The following DOK5 variants were observed in gnomAD, a reference collection of about 807,000 sequenced individuals.
DOK5 encodes the protein downstream of tyrosine kinase 5.
DOK5 carries 27 observed loss-of-function variants against 43.3 expected under a neutral mutation model. That is an observed-to-expected ratio of 0.62 (90% CI 0.46 to 0.86). The LOEUF is 0.86. Among genes scored for constraint, DOK5 ranks in the 40% least tolerant of loss-of-function variants. The pLI, the probability that DOK5 is intolerant of heterozygous loss-of-function variation, is 0.00. For missense variants in DOK5, 373 were observed against 392.9 expected (o/e 0.95, Z 0.43); for synonymous variants, 146 against 140.1 (o/e 1.04, Z -0.30).
At chr20:54,596,474 G>C (rs1243098803) in intron 5 of DOK5, among the ~76,000 whole-genome samples, 1 of 152,124 alleles carries the variant, frequency 6.6e-6, no homozygotes, top group African/African-American at 2.4e-5. Flanking sequence ...CTGCTCAGTG[G>C]CTCCGTTTCA....
chr20:54,640,260 C>T (rs1338879992), intron 6 of DOK5, among the ~76,000 whole-genome samples: 2 of 152,196 alleles, frequency 1.3e-5, no homozygotes, highest in East Asian at 1.9e-4. Context: ...AATGCATTGA[C>T]GTTATTTGAG....
chr20:54,631,673 T>C (rs1978572450), intron 6 of DOK5, among the ~76,000 whole-genome samples: 1 of 152,240 alleles, frequency 6.6e-6, no homozygotes, highest in African/African-American at 2.4e-5. Flanking sequence ...ATTTATTACA[T>C]GTTAAAAAAT....
chr20:54,605,128 AACAC>A (rs1049343148), intron 5 of DOK5, among the ~76,000 whole-genome samples: 2 of 128,624 alleles, frequency 1.6e-5, no homozygotes, highest in East Asian at 1.9e-4. Context: ...CACACACACA[AACAC>A]ACACAGAGAG....
intron 1 of DOK5, among the ~76,000 whole-genome samples, chr20:54,542,021 C>T (rs1036163772): frequency 6.6e-6 from 1 of 151,642 alleles, no homozygotes; most frequent in Admixed American, 6.6e-5. Flanking sequence ...ATCACAATAC[C>T]CACCACTAGC....
At chr20:54,615,852 G>A (rs998924611) in intron 6 of DOK5, among the ~76,000 whole-genome samples, 2 of 151,464 alleles carry the variant, frequency 1.3e-5, no homozygotes, top group Admixed American at 6.6e-5. Context: ...AGTGAGCCAA[G>A]ATTGCGCCAC....
intron 7 of DOK5, among the ~76,000 whole-genome samples, chr20:54,646,246 C>CTGTTTTTTTT (rs1979414548): frequency 1.2e-5 from 1 of 80,676 alleles, no homozygotes; most frequent in African/African-American, 4.6e-5. Flanking sequence ...ACTGGTTATA[C>CTGTTTTTTTT]TGTTTTTTTT....
intron 5 of DOK5, among the ~76,000 whole-genome samples, chr20:54,608,473 AAG>A (rs1383092364): frequency 6.6e-6 from 1 of 152,186 alleles, no homozygotes; most frequent in East Asian, 1.9e-4. Flanking sequence ...AGGAAGTAGA[AAG>A]GGTTTAAGTA....
chr20:54,620,813 T>C (rs1986953528), intron 6 of DOK5, among the ~76,000 whole-genome samples: 1 of 152,184 alleles, frequency 6.6e-6, no homozygotes, highest in South Asian at 2.1e-4. Flanking sequence ...AAGTATTTGC[T>C]GAGCCCTGCT....
chr20:54,622,788 G>A (rs1243125842), intron 6 of DOK5, among the ~76,000 whole-genome samples: 2 of 152,108 alleles, frequency 1.3e-5, no homozygotes, highest in Non-Finnish European at 2.9e-5. Context: ...GCGGTGGTGA[G>A]TAATCCTATT....
In DOK5 at chr20:54,646,248, G is replaced by GTTTTTTTTTTTTTTTTTTTTTTTTTT. The variant is rs386394048; in HGVS notation, c.856+2694_856+2695insTTTTTTTTTTTTTTTTTTTTTTTTTT. Among the ~76,000 whole-genome samples, 24 of 79,930 alleles carry GTTTTTTTTTTTTTTTTTTTTTTTTTT rather than the reference G, an allele frequency of 3.0e-4. 1 individual carries two copies. Among genetic ancestry groups the GTTTTTTTTTTTTTTTTTTTTTTTTTT allele is most frequent in the African/African-American group, 7.4e-4 (14 of 18,994 alleles). The allele number at this position is 79,930 out of a possible 152,430, so 52.4% of individuals were successfully genotyped here. A position where few individuals can be genotyped will look rare whatever the true frequency, so the allele number is the denominator to read the frequency against. On this transcript the variant is annotated intron_variant, in intron 7 of 7. Coordinates refer to ENST00000262593, the MANE Select transcript of DOK5 (RefSeq NM_018431.5). Reference sequence around the variant, plus strand: ...TACTGTTATATCCACTGGTTATACTGTTTTTTTTTTTTTTTTTTTTTTTTG... The same window carrying GTTTTTTTTTTTTTTTTTTTTTTTTTT: ...TACTGTTATATCCACTGGTTATACTGTTTTTTTTTTTTTTTTTTTTTTTTTTTTTTTTTTTTTTTTTTTTTTTTTTG...
chr20:54,486,867 T>C (rs1981954488), intron 1 of DOK5, among the ~76,000 whole-genome samples: 2 of 152,216 alleles, frequency 1.3e-5, no homozygotes, highest in African/African-American at 4.8e-5. Flanking sequence ...TGAAATGATA[T>C]TTTTAGTTTA....
In DOK5 at chr20:54,477,539, G is replaced by C. The variant is rs111757331; in HGVS notation, c.66+1527G>C. ...TCTTCAAGAGCACCCATTGTTGGGG[G>C]TACTTTACTGAGTGACTCCCATGTA... On this transcript the variant is annotated intron_variant, in intron 1 of 7. Coordinates refer to ENST00000262593, the MANE Select transcript of DOK5 (RefSeq NM_018431.5). 6.3e-4 allele frequency among the ~76,000 whole-genome samples: 96 copies of C among 152,148 alleles called. 1 individual carries two copies. Among genetic ancestry groups the C allele is most frequent in the African/African-American group, 2.2e-3 (93 of 41,500 alleles).
chr20:54,529,863 T>C (rs767473521), intron 1 of DOK5, among the ~76,000 whole-genome samples: 5 of 152,244 alleles, frequency 3.3e-5, no homozygotes, highest in African/African-American at 4.8e-5. Flanking sequence ...TAGTACATTG[T>C]TTTTGAAGTT....
At chr20:54,532,278 T>C (rs1030941853) in intron 1 of DOK5, among the ~76,000 whole-genome samples, 1 of 152,172 alleles carries the variant, frequency 6.6e-6, no homozygotes, top group Non-Finnish European at 1.5e-5. Flanking sequence ...CCACACTGCA[T>C]GTACATTTTG....
intron 5 of DOK5, among the ~76,000 whole-genome samples, chr20:54,608,093 C>T (rs993384523): frequency 1.2e-4 from 19 of 152,046 alleles, no homozygotes; most frequent in Non-Finnish European, 2.2e-4. Context: ...AAAATCTAAA[C>T]TACATTTCCT....
At chr20:54,615,468 TCAAA>T (rs533936614) in intron 6 of DOK5, among the ~76,000 whole-genome samples, 69 of 150,250 alleles carry the variant, frequency 4.6e-4, no homozygotes, top group Non-Finnish European at 9.0e-4. Context: ...ACAAGAGGAG[TCAAA>T]CAGAGGGCAA....
chr20:54,488,480 A>T (rs1982029221), intron 1 of DOK5, among the ~76,000 whole-genome samples: 1 of 151,604 alleles, frequency 6.6e-6, no homozygotes, highest in Admixed American at 6.6e-5. Context: ...GAACTTAACA[A>T]TTTTTCTTTA....
At chr20:54,629,335 T>C (rs1477435191) in intron 6 of DOK5, among the ~76,000 whole-genome samples, 2 of 152,214 alleles carry the variant, frequency 1.3e-5, no homozygotes, top group Non-Finnish European at 2.9e-5. Context: ...CTGTGATTTA[T>C]TTTGAGATGC....
intron 1 of DOK5, among the ~76,000 whole-genome samples, chr20:54,530,619 T>G (rs970820332): frequency 6.6e-6 from 1 of 152,212 alleles, no homozygotes; most frequent in African/African-American, 2.4e-5. Context: ...TGGGCCATCC[T>G]GAGCCCTCAT....
Sources: gnomAD v4.1 joint callset for allele counts (sites outside exome capture counted in the v4.1 genomes callset) on GRCh38, gnomAD v4.1.1 for gene constraint, MANE v1.5 for transcripts, NCBI Gene and HGNC (gene_info 2026-07-23, HGNC 2026-07-21) for gene names.